The following SNX29 variants were observed in gnomAD, a reference collection of about 807,000 sequenced individuals.
The protein encoded by SNX29 is sorting nexin-29.
Under a neutral mutation model 102.1 loss-of-function variants are expected in SNX29, and 78 were observed. The observed-to-expected ratio is 0.76, with a 90% confidence interval of 0.64 to 0.92. The LOEUF (loss-of-function observed/expected upper bound fraction) is 0.92. SNX29 is among the 40% of genes least tolerant of loss of function. SNX29 has a pLI of 0.00. For synonymous variants in SNX29, 580 were observed against 414.5 expected (o/e 1.40, Z -4.85); for missense variants, 1,280 against 1,061.7 (o/e 1.21, Z -2.86).
intron 19 of SNX29, among the ~76,000 whole-genome samples, chr16:12,486,080 T>C (rs1481698122): frequency 6.6e-6 from 1 of 152,232 alleles, no homozygotes; most frequent in Non-Finnish European, 1.5e-5. Flanking sequence ...CATTTCTTTC[T>C]AGAGACTCCA....
chr16:12,417,174 C>G (rs1270541862), intron 18 of SNX29, among the ~76,000 whole-genome samples: 2 of 152,218 alleles, frequency 1.3e-5, no homozygotes, highest in Non-Finnish European at 2.9e-5. Context: ...CCATCCGTAT[C>G]TTACTGTTTA....
intron 18 of SNX29, among the ~76,000 whole-genome samples, chr16:12,410,134 A>T (rs974289352): frequency 6.6e-6 from 1 of 151,558 alleles, no homozygotes; most frequent in African/African-American, 2.4e-5. Flanking sequence ...AGCTGGGAGT[A>T]CAGGCACCCA....
chr16:12,348,129 C>G (rs754569049), intron 15 of SNX29, among the ~76,000 whole-genome samples: 1 of 152,102 alleles, frequency 6.6e-6, no homozygotes, highest in African/African-American at 2.4e-5. Flanking sequence ...ACGTGTGATT[C>G]TTTACACAAG....
intron 20 of SNX29, among the ~76,000 whole-genome samples, chr16:12,567,351 G>A (rs964075366): frequency 1.3e-5 from 2 of 152,124 alleles, no homozygotes; most frequent in Non-Finnish European, 2.9e-5. Context: ...ATCCTGTTAG[G>A]TTTTTGCCTT....
At chr16:12,014,528 T>A (rs2056782660) in intron 3 of SNX29, among the ~76,000 whole-genome samples, 1 of 151,282 alleles carries the variant, frequency 6.6e-6, no homozygotes, top group African/African-American at 2.4e-5. Context: ...AGGTCAGGAG[T>A]TGGAGACCCG....
At chr16:12,566,373 A>C (rs1023361409) in intron 20 of SNX29, among the ~76,000 whole-genome samples, 2 of 151,884 alleles carry the variant, frequency 1.3e-5, no homozygotes, top group Admixed American at 6.6e-5. Context: ...TCTCCCAACC[A>C]ACAAGGCACT....
At chr16:12,180,956 C>G (rs2076370703) in intron 13 of SNX29, among the ~76,000 whole-genome samples, 1 of 152,170 alleles carries the variant, frequency 6.6e-6, no homozygotes, top group East Asian at 1.9e-4. Context: ...CTTTTTCCCT[C>G]TTCTCTAATG....
chr16:12,022,965 C>T (rs931014035), intron 3 of SNX29, among the ~76,000 whole-genome samples: 3 of 147,310 alleles, frequency 2.0e-5, no homozygotes, highest in Non-Finnish European at 4.5e-5. Flanking sequence ...GATGTGATCT[C>T]AGCTCACTGC....
At chr16:12,558,545 C>T (rs907863158) in intron 20 of SNX29, among the ~76,000 whole-genome samples, 2 of 152,222 alleles carry the variant, frequency 1.3e-5, no homozygotes, top group Admixed American at 6.5e-5. Flanking sequence ...CCCCACAGTG[C>T]CATGCCTCTC....
At chr16:12,356,049 A>C (rs1314119776) in intron 15 of SNX29, 114 bp from the exon 16 acceptor site, 3 of 897,834 alleles carry the variant, frequency 3.3e-6, no homozygotes, top group East Asian at 5.5e-5. Context: ...TCCAGCCCCA[A>C]CAGCCTACAG....
At chr16:12,492,873 G>C (rs1034373275) in intron 19 of SNX29, among the ~76,000 whole-genome samples, 6 of 152,208 alleles carry the variant, frequency 3.9e-5, no homozygotes, top group Non-Finnish European at 5.9e-5. Context: ...GGGCTCTGTT[G>C]TGTTCCATTG....
chr16:12,133,423 G>T (rs2054547568), intron 13 of SNX29, among the ~76,000 whole-genome samples: 1 of 151,260 alleles, frequency 6.6e-6, no homozygotes, highest in East Asian at 2.0e-4. Context: ...CTGAGTAGCT[G>T]GGACTACAGG....
At chr16:12,562,513 A>C (rs1331459381) in intron 20 of SNX29, among the ~76,000 whole-genome samples, 1 of 152,172 alleles carries the variant, frequency 6.6e-6, no homozygotes, top group Non-Finnish European at 1.5e-5. Flanking sequence ...CAGCCCAAGT[A>C]CACCTGCTGG....
intron 18 of SNX29, among the ~76,000 whole-genome samples, chr16:12,450,087 C>T (rs2086238766): frequency 6.6e-6 from 1 of 152,200 alleles, no homozygotes; most frequent in Non-Finnish European, 1.5e-5. Flanking sequence ...TCTCTCTTGC[C>T]TGCCACCATG....
At position 12,048,592 on chromosome 16, in the gene SNX29, G is replaced by T; in HGVS notation, c.720G>T (p.Leu240Phe). The change falls in exon 7 of 21, where the codon TTG becomes TTT. Residue 240 changes from leucine (L) to phenylalanine (F), a missense_variant. Leu to Phe is a conservative substitution (Grantham distance 22, BLOSUM62 0). Transcript: ENST00000566228. Reference protein sequence around the residue: ...LIKPEQETDPLPVVSRNVSAD... With the variant: ...LIKPEQETDPFPVVSRNVSAD... ...AACCTGAACAGGAGACCGACCCCTT[G>T]CCTGTCGTGTCCAGGAATGTCAGTG... The T allele has an allele frequency of 6.2e-7, 1 of 1,613,964 alleles. No individual in the cohort carries two copies. Among genetic ancestry groups the T allele is most frequent in the Non-Finnish European group, 8.5e-7 (1 of 1,179,874 alleles).
chr16:12,396,527 G>A (rs1387932223), intron 16 of SNX29, among the ~76,000 whole-genome samples: 1 of 152,208 alleles, frequency 6.6e-6, no homozygotes, highest in Non-Finnish European at 1.5e-5. Context: ...CCCAGCCTCA[G>A]TGCTGAGTGG....
chr16:12,515,690 A>G (rs1407793612), intron 19 of SNX29: 1 of 463,946 alleles, frequency 2.2e-6, no homozygotes. Context: ...GTATTCACGT[A>G]TCTGCTTGTT....
At chr16:12,107,342 T>TTG (rs2053300283) in intron 11 of SNX29, among the ~76,000 whole-genome samples, 1 of 144,294 alleles carries the variant, frequency 6.9e-6, no homozygotes. Context: ...CTGTGGGTTT[T>TTG]TTTTTTTTTT....
At chr16:12,127,191 G>A (rs1430623733) in intron 12 of SNX29, among the ~76,000 whole-genome samples, 1 of 151,166 alleles carries the variant, frequency 6.6e-6, no homozygotes, top group Non-Finnish European at 1.5e-5. Flanking sequence ...CCCGGGAGGC[G>A]GAGGTTGCAG....
Sources: allele counts gnomAD v4.1 joint callset (sites outside exome capture counted in the v4.1 genomes callset), GRCh38; gene constraint gnomAD v4.1.1; transcripts MANE v1.5; gene names NCBI Gene and HGNC (gene_info 2026-07-23, HGNC 2026-07-21).